The following SMG1 variants were observed in gnomAD, a reference collection of about 807,000 sequenced individuals.
The protein encoded by SMG1 is SMG1 nonsense mediated mRNA decay associated PI3K related kinase.
In SMG1, 22 loss-of-function variants were observed where a neutral mutation model predicts 419.9. That is an observed-to-expected ratio of 0.05 (90% confidence interval 0.04 to 0.07). The LOEUF is 0.07. SMG1 is among the 10% of genes least tolerant of loss of function. SMG1 has a pLI of 1.00. For missense variants in SMG1, 3,185 were observed against 4,342.0 expected, an observed-to-expected ratio of 0.73 and a Z score of 7.49; for synonymous variants, 1,538 against 1,553.5, an observed-to-expected ratio of 0.99 and a Z score of 0.23.
rs1165780793 is a variant in SMG1, at chr16:18,829,322, G to T, written c.9567C>A (p.Ser3189Arg). 6.2e-7 allele frequency: 1 copy of T among 1,613,742 alleles called. No individual in the cohort carries two copies. The highest frequency in any genetic ancestry group is 8.5e-7 in the Non-Finnish European group (1 of 1,179,830). Reference sequence around the variant, plus strand: ...CAATATGCAGCTGAACCCGCTGCAGGCTTGTCTTACAAGAAGAAATACTGG... The same window carrying T: ...CAATATGCAGCTGAACCCGCTGCAGTCTTGTCTTACAAGAAGAAATACTGG... ...LETSISSCKT[S>R]LQRVQLHIAM... Residue 3189 changes from serine (S) to arginine (R), a missense_variant, in exon 54 of 63, where the codon AGC (serine) becomes AGA (arginine). Transcript: ENST00000446231.
intron 1 of SMG1, among the ~76,000 whole-genome samples, chr16:18,914,406 G>A (rs535955682): frequency 1.3e-5 from 2 of 152,180 alleles, no homozygotes; most frequent in South Asian, 4.1e-4. Flanking sequence ...GCCAGGTGTG[G>A]TGGCTCACGC....
intron 58 of SMG1, 44 bp downstream of exon 58, chr16:18,816,258 A>G (rs750743504): frequency 2.8e-6 from 4 of 1,447,456 alleles, no homozygotes; most frequent in South Asian, 2.5e-5. Context: ...TGTAAATTTT[A>G]TAACAGAGGG....
chr16:18,918,191 A>G (rs1446023680), intron 1 of SMG1, among the ~76,000 whole-genome samples: 1 of 152,086 alleles, frequency 6.6e-6, no homozygotes, highest in Non-Finnish European at 1.5e-5. Context: ...TGAACCCGGG[A>G]GGCGGAGGTT....
intron 3 of SMG1, among the ~76,000 whole-genome samples, chr16:18,894,590 G>C (rs2141835842): frequency 7.2e-6 from 1 of 138,790 alleles, no homozygotes; most frequent in South Asian, 2.3e-4. Flanking sequence ...AACATAAAAA[G>C]AAATCAGTTT....
At chr16:18,853,450 C>G in intron 31 of SMG1, 133 bp downstream of exon 31, 1 of 837,116 alleles carries the variant, frequency 1.2e-6, no homozygotes, top group Non-Finnish European at 1.7e-6. Flanking sequence ...TATTTCCCAA[C>G]AATAAAATAA....
intron 4 of SMG1, 112 bp downstream of exon 4, chr16:18,892,106 T>C (rs559441793): frequency 1.2e-6 from 1 of 813,460 alleles, no homozygotes; most frequent in East Asian, 2.7e-5. Context: ...AGCATTAAGT[T>C]CTCGATCATC....
intron 58 of SMG1, chr16:18,816,006 C>T (rs908452066): frequency 2.2e-6 from 1 of 461,440 alleles, no homozygotes; most frequent in Non-Finnish European, 3.8e-6. Flanking sequence ...AAGAGAAAGA[C>T]AAGCTGGATA....
chr16:18,862,663 G>A (rs1235163762), intron 25 of SMG1, among the ~76,000 whole-genome samples: 1 of 151,934 alleles, frequency 6.6e-6, no homozygotes, highest in African/African-American at 2.4e-5. Flanking sequence ...CCCACCTCCA[G>A]TCTCTTCACC....
intron 48 of SMG1, 92 bp from the exon 49 acceptor site, chr16:18,835,256 G>A (rs1331028902): frequency 3.9e-6 from 5 of 1,286,752 alleles, no homozygotes; most frequent in Non-Finnish European, 5.3e-6. Context: ...AAAACTTGAA[G>A]AGTAGAAATC....
intron 57 of SMG1, 36 bp from the exon 58 acceptor site, chr16:18,816,565 C>A: frequency 6.4e-7 from 1 of 1,558,134 alleles, no homozygotes; most frequent in Non-Finnish European, 8.8e-7. Flanking sequence ...CTTCGAGTAT[C>A]AGCTGAAATA....
intron 60 of SMG1, among the ~76,000 whole-genome samples, chr16:18,814,012 CTG>C (rs2031729062): frequency 9.2e-6 from 1 of 109,244 alleles, no homozygotes; most frequent in Admixed American, 1.3e-4. Context: ...GCCTGGGCGA[CTG>C]AGTGAGACTC....
chr16:18,847,999 A>T lies in SMG1; in HGVS notation c.5658T>A (p.Leu1886=). The change falls in exon 37 of 63, where the codon CTT becomes CTA. Residue 1886 remains leucine, a synonymous_variant. Coordinates refer to ENST00000446231, the MANE Select transcript of SMG1 (RefSeq NM_015092.5). ...NKFSTAIPTL[L]GNIQGEELLV... is the part of the protein sequence containing the mutation. ...GCAATTCTTCTCCTTGAATATTGCC[A>T]AGTAAAGTTGGAATTGCAGTGGAAA... The T allele has an allele frequency of 6.2e-7, 1 of 1,613,948 alleles. No individual in the cohort carries two copies. The highest frequency in any genetic ancestry group is 8.5e-7 in the Non-Finnish European group (1 of 1,179,842).
chr16:18,887,762 TAAAAAAAAAAAAAAAAAAAAAAAAAA>T (rs57393561), intron 6 of SMG1, among the ~76,000 whole-genome samples: 3 of 38,286 alleles, frequency 7.8e-5, no homozygotes, highest in African/African-American at 3.3e-4. Flanking sequence ...TCAAAAACAG[TAAAAAAAAAAAAAAAAAAAAAAAAAA>T]AAAAAAAAAA....
At chr16:18,832,243 T>C (rs1400601499) in intron 51 of SMG1, among the ~76,000 whole-genome samples, 1 of 152,178 alleles carries the variant, frequency 6.6e-6, no homozygotes, top group African/African-American at 2.4e-5. Flanking sequence ...CCTGAGTCAC[T>C]AGGCACAAAG....
chr16:18,814,073 TAAAATAAAAATAAATAAG>T (rs1388241235), intron 60 of SMG1, among the ~76,000 whole-genome samples: 3 of 124,738 alleles, frequency 2.4e-5, no homozygotes, highest in African/African-American at 8.8e-5. Flanking sequence ...AAAAATAAAA[TAAAATAAAAATAAATAAG>T]AAAATAAAAA....
rs193169380 is a variant in SMG1, at chr16:18,876,206, T to C, written c.1808A>G (p.Asn603Ser). ...AACTACAAATTTTGCATTGTCTACA[T>C]TGAACACATGATTCTTAAAAGCCTC... ...KHEAFKNHVF[N>S]VDNAKFVVIF... The change falls in exon 13 of 63, where the codon AAT becomes AGT. Residue 603 changes from asparagine (N) to serine (S), a missense_variant. This residue lies in a region of SMG1 where 297 missense variants were observed against 491.0 expected (regional missense o/e 0.60). Transcript: ENST00000446231. 12 of 1,611,826 alleles carry C rather than the reference T, an allele frequency of 7.4e-6. No individual in the cohort carries two copies. The East Asian group carries it at 1.8e-4, about 24-fold the overall frequency.
intron 1 of SMG1, among the ~76,000 whole-genome samples, chr16:18,914,216 C>CA (rs1260683463): frequency 1.3e-5 from 2 of 149,292 alleles, no homozygotes; most frequent in East Asian, 4.0e-4. Context: ...AAATAATAAA[C>CA]AAAAAAAGTC....
intron 53 of SMG1, 65 bp downstream of exon 53, chr16:18,829,861 T>C (rs1450447442): frequency 4.9e-6 from 7 of 1,438,064 alleles, no homozygotes; most frequent in Non-Finnish European, 6.5e-6. Context: ...TTAAGCCTAC[T>C]CTATCCTGCC....
At chr16:18,916,910 A>C (rs946401178) in intron 1 of SMG1, among the ~76,000 whole-genome samples, 2 of 152,128 alleles carry the variant, frequency 1.3e-5, no homozygotes, top group African/African-American at 2.4e-5. Context: ...CAGGTAACAA[A>C]GGCAGAAAAT....
Sources: allele counts gnomAD v4.1 joint callset (sites outside exome capture counted in the v4.1 genomes callset), GRCh38; gene constraint gnomAD v4.1.1; regional missense constraint gnomAD v4.1.1; transcripts MANE v1.5; gene names NCBI Gene and HGNC (gene_info 2026-07-23, HGNC 2026-07-21).